The following NBEA variants were observed in gnomAD, a reference collection of about 807,000 sequenced individuals.
NBEA encodes the protein lysosomal-trafficking regulator 2.
In NBEA, 44 loss-of-function variants were observed where a neutral mutation model predicts 343.4. The observed-to-expected ratio is 0.13, with a 90% CI of 0.10 to 0.16. The LOEUF is 0.16. Ranked by LOEUF, NBEA falls within the 10% of genes least tolerant of loss-of-function variation. NBEA has a pLI of 1.00. For synonymous variants in NBEA, 1,175 were observed against 1,238.7 expected (o/e 0.95, Z 1.08); for missense variants, 2,555 against 3,631.3 (o/e 0.70, Z 7.62).
intron 28 of NBEA, among the ~76,000 whole-genome samples, chr13:35,181,698 A>G (rs1034757555): frequency 7.9e-5 from 12 of 151,428 alleles, no homozygotes; most frequent in African/African-American, 2.9e-4. Flanking sequence ...TTTTTGTTGC[A>G]TTTGCTTTTG....
At position 34,985,037 on chromosome 13, in the gene NBEA, T is replaced by A. The variant is rs191689283; in HGVS notation, c.294+41923T>A. 3.3e-3 allele frequency among the ~76,000 whole-genome samples: 496 copies of A among 151,200 alleles called. 9 individuals carry two copies. Among genetic ancestry groups the A allele is most frequent in the African/African-American group, 0.011 (471 of 41,496 alleles). On this transcript the variant is annotated intron_variant, in intron 1 of 58. Coordinates refer to ENST00000379939, the MANE Select transcript of NBEA (RefSeq NM_001385012.1). ...TAATTGAATATGCTTTATTTCTTTCTCTTGCCTGATTGCCCTGGCCAGAAC... is the reference window on the plus strand; with the variant it reads ...TAATTGAATATGCTTTATTTCTTTCACTTGCCTGATTGCCCTGGCCAGAAC...
At chr13:35,328,276 A>G (rs1207323160) in intron 36 of NBEA, among the ~76,000 whole-genome samples, 3 of 152,050 alleles carry the variant, frequency 2.0e-5, no homozygotes, top group Non-Finnish European at 4.4e-5. Context: ...AATAGTATCA[A>G]AAATAGGAAG....
In NBEA at chr13:35,654,937, A is replaced by G; in HGVS notation, c.8118A>G (p.Val2706=). The change falls in exon 54 of 59, where the codon GTA becomes GTG. Residue 2706 remains valine (V), a synonymous_variant. Transcript: ENST00000379939. Reference sequence around the variant, plus strand: ...AAATCAATGCACATTGTTTTGTGGTAACAGCAGATAATCGCTATATTCTTA... The same window carrying G: ...AAATCAATGCACATTGTTTTGTGGTGACAGCAGATAATCGCTATATTCTTA... ...SIQINAHCFV[V]TADNRYILIC... 1 of 1,589,426 alleles carries G rather than the reference A, an allele frequency of 6.3e-7. No homozygotes were observed. Among genetic ancestry groups the G allele is most frequent in the Non-Finnish European group, 8.5e-7 (1 of 1,171,766 alleles).
In NBEA at chr13:35,517,092, G is replaced by A. The variant is rs142442619; in HGVS notation, c.6586-33385G>A. 8.0e-3 allele frequency among the ~76,000 whole-genome samples: 1,213 copies of A among 152,220 alleles called. 7 individuals carry two copies. Among genetic ancestry groups the A allele is most frequent in the Non-Finnish European group, 0.011 (724 of 68,010 alleles). On this transcript the variant is annotated intron_variant, in intron 41 of 58. Coordinates refer to ENST00000379939, the MANE Select transcript of NBEA (RefSeq NM_001385012.1). Reference sequence around the variant, plus strand: ...CCATGTTTTAGATCTCCAAATGTCTGTATTCAGTGGCCTTTTTCTGCCCAC... The same window carrying A: ...CCATGTTTTAGATCTCCAAATGTCTATATTCAGTGGCCTTTTTCTGCCCAC...
At chr13:34,958,801 G>A (rs1458836529) in intron 1 of NBEA, among the ~76,000 whole-genome samples, 1 of 152,100 alleles carries the variant, frequency 6.6e-6, no homozygotes, top group Non-Finnish European at 1.5e-5. Context: ...AATTGCAATA[G>A]TTTATCAAAG....
At chr13:35,578,378 G>A (rs1439032766) in intron 45 of NBEA, among the ~76,000 whole-genome samples, 2 of 152,120 alleles carry the variant, frequency 1.3e-5, no homozygotes, top group African/African-American at 2.4e-5. Context: ...ATCAAGGGCC[G>A]GGCATACTGG....
chr13:35,075,680 T>C (rs777473258), intron 10 of NBEA, among the ~76,000 whole-genome samples: 1 of 147,716 alleles, frequency 6.8e-6, no homozygotes, highest in Non-Finnish European at 1.5e-5. Context: ...TTTTTAAGAT[T>C]ACCTTGCTAA....
At chr13:35,528,839 T>C (rs17052335) in intron 41 of NBEA, among the ~76,000 whole-genome samples, 2,911 of 152,292 alleles carry the variant, frequency 0.019, 101 homozygotes, top group African/African-American at 0.067. Flanking sequence ...CATGGTCTTT[T>C]TCTAGGGAGC....
chr13:35,431,517 G>A (rs919941324), intron 38 of NBEA, among the ~76,000 whole-genome samples: 5 of 152,228 alleles, frequency 3.3e-5, no homozygotes, highest in Admixed American at 2.0e-4. Flanking sequence ...TGGATTTTTA[G>A]TATTGGTTTA....
chr13:35,650,503 A>G (rs572139996), intron 52 of NBEA, among the ~76,000 whole-genome samples: 42 of 152,276 alleles, frequency 2.8e-4, no homozygotes, highest in African/African-American at 1.0e-3. Context: ...GGAGTTCAAG[A>G]CCAGCCTGGC....
intron 1 of NBEA, among the ~76,000 whole-genome samples, chr13:34,993,650 T>C (rs1354823784): frequency 1.3e-5 from 2 of 152,202 alleles, no homozygotes; most frequent in African/African-American, 4.8e-5. Flanking sequence ...ATGACTGTTT[T>C]TCGTGGTTTG....
At chr13:35,569,465 CAAGG>C (rs2080292008) in intron 45 of NBEA, among the ~76,000 whole-genome samples, 1 of 152,072 alleles carries the variant, frequency 6.6e-6, no homozygotes, top group South Asian at 2.1e-4. Context: ...ATTTTTAAAA[CAAGG>C]AAGGAAGTTC....
chr13:35,382,359 A>G (rs2042056395), intron 38 of NBEA, among the ~76,000 whole-genome samples: 1 of 152,132 alleles, frequency 6.6e-6, no homozygotes, highest in South Asian at 2.1e-4. Flanking sequence ...AGTTATCTTA[A>G]TATTCAGAAC....
At chr13:35,544,546 G>A (rs2078981621) in intron 41 of NBEA, among the ~76,000 whole-genome samples, 1 of 152,196 alleles carries the variant, frequency 6.6e-6, no homozygotes, top group South Asian at 2.1e-4. Context: ...TATGTGGTAA[G>A]CACATATTTG....
chr13:35,282,338 T>A (rs2035111510), intron 34 of NBEA, among the ~76,000 whole-genome samples: 1 of 152,218 alleles, frequency 6.6e-6, no homozygotes, highest in South Asian at 2.1e-4. Flanking sequence ...TTTCTTGAAA[T>A]GATGTGTACA....
intron 8 of NBEA, among the ~76,000 whole-genome samples, chr13:35,063,825 GGTCAGCTTTTGGATAT>G (rs1381069973): frequency 2.0e-5 from 3 of 151,952 alleles, no homozygotes; most frequent in Non-Finnish European, 2.9e-5. Flanking sequence ...GACTCTAAAA[GGTCAGCTTTTGGATAT>G]ACTTTGGAGG....
At chr13:34,959,716 C>T (rs983876971) in intron 1 of NBEA, among the ~76,000 whole-genome samples, 7 of 152,028 alleles carry the variant, frequency 4.6e-5, no homozygotes, top group Non-Finnish European at 8.8e-5. Flanking sequence ...TTTTGGTCTA[C>T]AATGGACCAC....
At chr13:35,314,044 G>T (rs1323071447) in intron 36 of NBEA, among the ~76,000 whole-genome samples, 1 of 152,082 alleles carries the variant, frequency 6.6e-6, no homozygotes, top group Admixed American at 6.6e-5. Flanking sequence ...TCTGAGAGGG[G>T]TGCATTGAGA....
At chr13:35,260,471 G>T (rs1224509553) in intron 34 of NBEA, among the ~76,000 whole-genome samples, 1 of 152,140 alleles carries the variant, frequency 6.6e-6, no homozygotes, top group African/African-American at 2.4e-5. Flanking sequence ...AATTGAGTTG[G>T]GCTCTTTAAT....
Sources: gnomAD v4.1 joint callset for allele counts (sites outside exome capture counted in the v4.1 genomes callset) on GRCh38, gnomAD v4.1.1 for gene constraint, MANE v1.5 for transcripts, NCBI Gene and HGNC (gene_info 2026-07-23, HGNC 2026-07-21) for gene names.